Variants in SORCS1 observed in about 807,000 individuals in gnomAD.
SORCS1 encodes sortilin related VPS10 domain containing receptor 1.
SORCS1 carries 60 observed loss-of-function variants against 146.1 expected under a neutral mutation model. The observed-to-expected ratio is 0.41, with a 90% CI of 0.33 to 0.51. SORCS1 has a LOEUF of 0.51. Among genes scored for constraint, SORCS1 ranks in the 20% least tolerant of loss-of-function variants. The pLI, the probability that SORCS1 is intolerant of heterozygous loss-of-function variation, is 0.21. For missense variants in SORCS1, 1,352 were observed against 1,487.6 expected (o/e 0.91, Z 1.50); for synonymous variants, 637 against 584.0 (o/e 1.09, Z -1.31).
intron 7 of SORCS1, among the ~76,000 whole-genome samples, chr10:106,706,923 T>G (rs570856018): frequency 6.6e-6 from 1 of 152,190 alleles, no homozygotes; most frequent in South Asian, 2.1e-4. Flanking sequence ...ATGGGGTACA[T>G]TGGCTGATTG....
intron 2 of SORCS1, among the ~76,000 whole-genome samples, chr10:106,834,558 A>G (rs1342491173): frequency 6.6e-6 from 1 of 152,186 alleles, no homozygotes; most frequent in African/African-American, 2.4e-5. Context: ...AAGAAAAAAA[A>G]AGAAAGGTAT....
chr10:106,742,115 G>A (rs996835940), intron 5 of SORCS1, among the ~76,000 whole-genome samples: 2 of 152,166 alleles, frequency 1.3e-5, no homozygotes, highest in African/African-American at 4.8e-5. Flanking sequence ...AATAGAATTG[G>A]GTTAGATATA....
At chr10:106,917,336 G>A (rs1952494049) in intron 2 of SORCS1, among the ~76,000 whole-genome samples, 1 of 152,154 alleles carries the variant, frequency 6.6e-6, no homozygotes, top group Non-Finnish European at 1.5e-5. Flanking sequence ...ACCTTGCAGA[G>A]TTCCTGGTAC....
chr10:107,062,342 T>C (rs1024602502), intron 1 of SORCS1, among the ~76,000 whole-genome samples: 3 of 152,128 alleles, frequency 2.0e-5, no homozygotes, highest in Non-Finnish European at 4.4e-5. Context: ...TGTTTTCTAG[T>C]ATTTCAACCA....
intron 1 of SORCS1, among the ~76,000 whole-genome samples, chr10:107,038,697 G>GGT (rs1959025569): frequency 1.6e-4 from 2 of 12,690 alleles, no homozygotes; most frequent in Admixed American, 4.2e-4. Context: ...GGCAGGGGGC[G>GGT]GGGGGGGAGG....
At chr10:107,046,676 A>G (rs1353442425) in intron 1 of SORCS1, among the ~76,000 whole-genome samples, 1 of 152,178 alleles carries the variant, frequency 6.6e-6, no homozygotes, top group Non-Finnish European at 1.5e-5. Flanking sequence ...CAGGAGGCAA[A>G]GAATCTGAAA....
chr10:106,799,653 G>C (rs1946765994), intron 3 of SORCS1, among the ~76,000 whole-genome samples: 1 of 152,212 alleles, frequency 6.6e-6, no homozygotes, highest in Non-Finnish European at 1.5e-5. Flanking sequence ...CTGGCCATCA[G>C]AGAAACGCAG....
rs537660023 is a variant in SORCS1, at chr10:106,742,653, T to C, written c.960-12539A>G. On this transcript the variant is annotated intron_variant, in intron 5 of 25. Transcript: ENST00000263054. The stretch of plus-strand genomic sequence containing the variant: ...CCTCGGCCTCCCAAAGTGCTGGGAT[T>C]ACAGGTGTGAGTCACCACGCCTGGC... 5.3e-5 allele frequency among the ~76,000 whole-genome samples: 8 copies of C among 152,328 alleles called. 1 individual carries two copies. The highest frequency in any genetic ancestry group is 1.9e-4 in the African/African-American group (8 of 41,574).
rs1844501197 is a variant in SORCS1, at chr10:106,574,643, G to A, written c.*2777C>T. The stretch of plus-strand genomic sequence containing the variant: ...TCCCCTAGAGTTTCTAATTCAGTAG[G>A]TATGGGGTATGGATCCAGAATCTGG... On this transcript the variant is annotated 3_prime_UTR_variant, in exon 26 of 26. Transcript: ENST00000263054. 6.6e-6 allele frequency: 1 copy of A among 152,194 alleles called. No individual in the cohort carries two copies. The highest frequency in any genetic ancestry group is 2.4e-5 in the African/African-American group (1 of 41,418). 9.4% of individuals were successfully genotyped at this position (152,194 alleles called of 1,614,324 possible).
intron 2 of SORCS1, among the ~76,000 whole-genome samples, chr10:106,888,075 A>G (rs926313342): frequency 2.0e-5 from 3 of 152,200 alleles, no homozygotes; most frequent in African/African-American, 7.2e-5. Context: ...TCTGCAATCC[A>G]TGGTGTCATA....
chr10:106,711,169 T>C (rs1322834204), intron 6 of SORCS1, among the ~76,000 whole-genome samples: 4 of 152,230 alleles, frequency 2.6e-5, no homozygotes, highest in Admixed American at 2.0e-4. Flanking sequence ...TGGCACACAG[T>C]AGGCAATAAA....
At chr10:107,113,218 C>T (rs1219678936) in intron 1 of SORCS1, among the ~76,000 whole-genome samples, 1 of 151,902 alleles carries the variant, frequency 6.6e-6, no homozygotes, top group African/African-American at 2.4e-5. Context: ...GAAAAACTCA[C>T]CAATATGTGG....
chr10:106,698,159 A>G (rs1853848930), intron 9 of SORCS1, among the ~76,000 whole-genome samples: 1 of 152,238 alleles, frequency 6.6e-6, no homozygotes, highest in African/African-American at 2.4e-5. Flanking sequence ...CTAGAAGAAA[A>G]TCACTAAGAA....
chr10:106,982,844 T>C (rs554846651), intron 1 of SORCS1, among the ~76,000 whole-genome samples: 1 of 152,238 alleles, frequency 6.6e-6, no homozygotes, highest in East Asian at 1.9e-4. Context: ...CTAGTGTTAA[T>C]TTCTAAGAAT....
chr10:107,026,851 A>C (rs1958428600), intron 1 of SORCS1, among the ~76,000 whole-genome samples: 1 of 151,772 alleles, frequency 6.6e-6, no homozygotes, highest in Non-Finnish European at 1.5e-5. Flanking sequence ...TAAAGAGCGG[A>C]TTGTCAACAA....
rs1554871217 is a variant in SORCS1 at position 106,878,620 on chromosome 10, G to GCATATATATATATATATA, written c.627-48948_627-48947insTATATATATATATATATG. ...AAATTTGTTTTTTATAAACTACCTAGTATATATATATATATATATATATAT... is the reference window on the plus strand; with the variant it reads ...AAATTTGTTTTTTATAAACTACCTAGCATATATATATATATATATATATATATATATATATATATATAT... On this transcript the variant is annotated intron_variant, in intron 2 of 25. Coordinates refer to ENST00000263054, the MANE Select transcript of SORCS1 (RefSeq NM_052918.5). Among the ~76,000 whole-genome samples the GCATATATATATATATATA allele has an allele frequency of 6.6e-4, 56 of 84,922 alleles. 2 individuals are homozygous for GCATATATATATATATATA. Among genetic ancestry groups the GCATATATATATATATATA allele is most frequent in the African/African-American group, 2.2e-3 (49 of 21,788 alleles). The allele number at this position is 84,922 out of a possible 152,430, so 55.7% of individuals were successfully genotyped here. A position where few individuals can be genotyped will look rare whatever the true frequency, so the allele number is the denominator to read the frequency against.
chr10:107,143,128 T>C (rs11598760), intron 1 of SORCS1, among the ~76,000 whole-genome samples: 8,481 of 152,290 alleles, frequency 0.056, 305 homozygotes, highest in Non-Finnish European at 0.085. Flanking sequence ...TCGGTATCCA[T>C]GGTCAGGCAC....
chr10:106,579,056 A>G, intron 25 of SORCS1: 1 of 1,610,436 alleles, frequency 6.2e-7, no homozygotes, highest in Non-Finnish European at 8.5e-7. Flanking sequence ...TTGCCTACTC[A>G]GCCGAACAGC....
chr10:107,083,315 A>G (rs1488318076), intron 1 of SORCS1, among the ~76,000 whole-genome samples: 3 of 152,112 alleles, frequency 2.0e-5, no homozygotes, highest in Non-Finnish European at 2.9e-5. Flanking sequence ...CTATGAGGTA[A>G]AATCATTGTG....
Sources: gnomAD v4.1 joint callset for allele counts (sites outside exome capture counted in the v4.1 genomes callset) on GRCh38, gnomAD v4.1.1 for gene constraint, MANE v1.5 for transcripts, NCBI Gene and HGNC (gene_info 2026-07-23, HGNC 2026-07-21) for gene names.